MIPEP: variants seen among roughly 807,000 people sequenced by gnomAD.
MIPEP encodes mitochondrial intermediate peptidase.
In MIPEP, 79 loss-of-function variants were observed where a neutral mutation model predicts 90.3. The observed-to-expected ratio is 0.87, with a 90% CI of 0.73 to 1.05. The LOEUF (loss-of-function observed/expected upper bound fraction) is 1.05. MIPEP is among the 50% of genes least tolerant of loss of function. The probability of loss-of-function intolerance (pLI) is 0.00; values close to 1 mark genes in which losing one functional copy is unlikely to be tolerated. For synonymous variants in MIPEP, 334 were observed against 315.8 expected (o/e 1.06, Z -0.61); for missense variants, 940 against 905.6 (o/e 1.04, Z -0.49).
chr13:23,761,671 A>G (rs1019075958), intron 16 of MIPEP, among the ~76,000 whole-genome samples: 2 of 152,204 alleles, frequency 1.3e-5, no homozygotes, highest in Admixed American at 6.5e-5. Context: ...TTGCGATGGT[A>G]TATCTGCTGT....
chr13:23,866,246 C>T (rs1417965877), intron 7 of MIPEP, among the ~76,000 whole-genome samples: 2 of 152,136 alleles, frequency 1.3e-5, no homozygotes, highest in Non-Finnish European at 2.9e-5. Context: ...GTCTGTACTA[C>T]TCCATCGACA....
At chr13:23,746,313 C>T (rs1315495928) in intron 18 of MIPEP, among the ~76,000 whole-genome samples, 3 of 151,736 alleles carry the variant, frequency 2.0e-5, no homozygotes, top group African/African-American at 7.3e-5. Flanking sequence ...GGCACCAGGC[C>T]AGAACAGTTT....
Position 23,833,156 on chromosome 13 carries a change from G to T in MIPEP, c.1653+3084C>A, listed in dbSNP as rs1043850780. Among the ~76,000 whole-genome samples, 4 of 152,114 alleles carry T rather than the reference G, an allele frequency of 2.6e-5. No homozygotes were observed. The South Asian group carries it at 8.3e-4, about 32-fold the overall frequency. On this transcript the variant is annotated intron_variant, in intron 14 of 18. Transcript: ENST00000382172. ...CAACCCTGTTATTTTTTCCTTGTGAGATTAAATGCCATTTATTTACAAAGA... is the reference window on the plus strand; with the variant it reads ...CAACCCTGTTATTTTTTCCTTGTGATATTAAATGCCATTTATTTACAAAGA...
intron 2 of MIPEP, among the ~76,000 whole-genome samples, chr13:23,883,944 G>A (rs138092481): frequency 2.0e-5 from 3 of 152,228 alleles, no homozygotes; most frequent in African/African-American, 7.2e-5. Flanking sequence ...CTTCACTCCA[G>A]GGAAAAACCC....
At chr13:23,749,978 G>A (rs1376316498) in intron 18 of MIPEP, among the ~76,000 whole-genome samples, 1 of 152,124 alleles carries the variant, frequency 6.6e-6, no homozygotes, top group Non-Finnish European at 1.5e-5. Flanking sequence ...AAGTGGCAAT[G>A]AAAAGGCTGC....
chr13:23,796,157 G>A (rs893087055), intron 16 of MIPEP, among the ~76,000 whole-genome samples: 3 of 151,888 alleles, frequency 2.0e-5, no homozygotes, highest in African/African-American at 7.3e-5. Flanking sequence ...AGTGAGTCAC[G>A]CCTGTAATTC....
intron 8 of MIPEP, among the ~76,000 whole-genome samples, chr13:23,863,697 G>C (rs368405731): frequency 6.6e-6 from 1 of 152,090 alleles, no homozygotes; most frequent in East Asian, 1.9e-4. Context: ...AAAGGCAGTA[G>C]AACACTTCAG....
At chr13:23,731,137 T>C (rs183507335) in intron 18 of MIPEP, among the ~76,000 whole-genome samples, 9 of 152,312 alleles carry the variant, frequency 5.9e-5, no homozygotes, top group African/African-American at 9.6e-5. Flanking sequence ...AAAACAAAGA[T>C]TGATGCAATT....
intron 16 of MIPEP, among the ~76,000 whole-genome samples, chr13:23,798,285 AGTTT>A (rs1952986625): frequency 6.6e-6 from 1 of 152,230 alleles, no homozygotes; most frequent in Non-Finnish European, 1.5e-5. Context: ...TTCTAAAAAC[AGTTT>A]GTTACACATA....
At chr13:23,758,940 C>CGT (rs887921177) in intron 17 of MIPEP, among the ~76,000 whole-genome samples, 1 of 152,156 alleles carries the variant, frequency 6.6e-6, no homozygotes, top group Non-Finnish European at 1.5e-5. Flanking sequence ...TCTTATAAAA[C>CGT]GTGCTGGTTT....
chr13:23,839,759 G>A (rs1566013207), intron 11 of MIPEP, 33 bp from the exon 12 acceptor site: 1 of 1,477,564 alleles, frequency 6.8e-7, no homozygotes, highest in Non-Finnish European at 9.4e-7. Context: ...GGTGGTAAAT[G>A]AGGCCATCTG....
chr13:23,831,554 C>T (rs1446981221), intron 14 of MIPEP, among the ~76,000 whole-genome samples: 1 of 152,162 alleles, frequency 6.6e-6, no homozygotes, highest in African/African-American at 2.4e-5. Flanking sequence ...GAGCCTTGTG[C>T]TGCATCAAAG....
intron 18 of MIPEP, among the ~76,000 whole-genome samples, chr13:23,739,411 A>G (rs893402806): frequency 6.6e-6 from 1 of 152,224 alleles, no homozygotes; most frequent in African/African-American, 2.4e-5. Context: ...CTACAGGACA[A>G]TAATTTGTGT....
chr13:23,767,290 A>C (rs1026272437), intron 16 of MIPEP, among the ~76,000 whole-genome samples: 2 of 152,256 alleles, frequency 1.3e-5, no homozygotes, highest in South Asian at 2.1e-4. Flanking sequence ...CTACATTTGT[A>C]GAAATTTTTA....
chr13:23,754,117 C>G (rs897824756), intron 18 of MIPEP, among the ~76,000 whole-genome samples: 1 of 152,148 alleles, frequency 6.6e-6, no homozygotes, highest in Non-Finnish European at 1.5e-5. Flanking sequence ...ATACTGCCAA[C>G]GAGATCCTGT....
rs1871489479 is a variant in MIPEP, at chr13:23,886,509, T to C, written c.190-3A>G. 5.1e-6 allele frequency: 8 copies of C among 1,559,948 alleles called. 1 individual carries two copies. In the South Asian group the frequency reaches 9.7e-5, roughly 19 times the overall value. ...AGCTCAGGAACTCCAAAAAGACCCT[T>C]AGAACCAAAGAATACGTCTGATTTA... On this transcript the variant is annotated splice_region_variant and splice_polypyrimidine_tract_variant and intron_variant, in intron 1 of 18. Coordinates refer to ENST00000382172, the MANE Select transcript of MIPEP (RefSeq NM_005932.4).
chr13:23,803,036 G>A (rs1953063625), intron 16 of MIPEP, among the ~76,000 whole-genome samples: 1 of 152,106 alleles, frequency 6.6e-6, no homozygotes, highest in Non-Finnish European at 1.5e-5. Flanking sequence ...AGAAGCATCT[G>A]TATAAAATAT....
chr13:23,740,058 G>A (rs976043035), intron 18 of MIPEP, among the ~76,000 whole-genome samples: 1 of 152,172 alleles, frequency 6.6e-6, no homozygotes, highest in Admixed American at 6.5e-5. Flanking sequence ...GGGTGATTTT[G>A]TCAGGGCATC....
intron 18 of MIPEP, among the ~76,000 whole-genome samples, chr13:23,748,746 C>T (rs180694459): frequency 2.6e-5 from 4 of 152,292 alleles, no homozygotes; most frequent in East Asian, 1.9e-4. Context: ...GTAAAACACA[C>T]CCTGGGGTGG....
Sources: allele counts gnomAD v4.1 joint callset (sites outside exome capture counted in the v4.1 genomes callset), GRCh38; gene constraint gnomAD v4.1.1; transcripts MANE v1.5; gene names NCBI Gene and HGNC (gene_info 2026-07-23, HGNC 2026-07-21).